The following MYBL2 variants were observed in gnomAD, a reference collection of about 807,000 sequenced individuals.
MYBL2 encodes MYB proto-oncogene like 2, also known as myb-related protein B.
A neutral mutation model predicts 79.9 loss-of-function variants in MYBL2; 28 were observed. The observed-to-expected ratio is 0.35, with a 90% confidence interval of 0.26 to 0.48. The LOEUF is 0.48. Among genes scored for constraint, MYBL2 ranks in the 20% least tolerant of loss-of-function variants. MYBL2 has a pLI of 0.99. For missense variants in MYBL2, 735 were observed against 893.9 expected (o/e 0.82, Z 2.27); for synonymous variants, 378 against 361.2 (o/e 1.05, Z -0.53).
chr20:43,698,419 C>T (rs375824158), intron 6 of MYBL2, among the ~76,000 whole-genome samples: 1 of 117,478 alleles, frequency 8.5e-6, no homozygotes, highest in South Asian at 3.0e-4. Flanking sequence ...GTTCTGTAGC[C>T]CAGGCTGGAG....
chr20:43,688,117 C>G lies in MYBL2; in HGVS notation c.500+1045C>G, dbSNP rs190519231. On this transcript the variant is annotated intron_variant, in intron 5 of 13. Transcript: ENST00000217026. The stretch of plus-strand genomic sequence containing the variant: ...CTTCATTTTCTAGGAGACTTCTTAT[C>G]TTCTCTTTTTTTGAAATTATTTTCC... 4.0e-5 allele frequency among the ~76,000 whole-genome samples: 6 copies of G among 150,966 alleles called. No homozygotes were observed. In the East Asian group the frequency reaches 1.2e-3, roughly 29 times the overall value.
chr20:43,688,389 A>G (rs1284981044), intron 5 of MYBL2, among the ~76,000 whole-genome samples: 1 of 151,900 alleles, frequency 6.6e-6, no homozygotes, highest in African/African-American at 2.4e-5. Context: ...TTTAGTAGAG[A>G]TGGAATTTCA....
At chr20:43,713,920 G>A (rs1025848383) in intron 12 of MYBL2, among the ~76,000 whole-genome samples, 17 of 152,144 alleles carry the variant, frequency 1.1e-4, no homozygotes, top group Non-Finnish European at 1.8e-4. Flanking sequence ...GTGGGGAGGC[G>A]GTGAGAGGCA....
rs373043815 is a variant in MYBL2 at position 43,712,992 on chromosome 20, C to T, written c.1720-10C>T. 5.1e-5 allele frequency: 81 copies of T among 1,602,654 alleles called. No homozygotes were observed. Among genetic ancestry groups the T allele is most frequent in the Non-Finnish European group, 6.6e-5 (78 of 1,173,158 alleles). On this transcript the variant is annotated splice_polypyrimidine_tract_variant and intron_variant, in intron 11 of 13. Transcript: ENST00000217026. ...CTCACCCTAACCCCCTTCTATCTGCCAACCCCTAGCTGCGGCGGAGCCCCA... is the reference window on the plus strand; with the variant it reads ...CTCACCCTAACCCCCTTCTATCTGCTAACCCCTAGCTGCGGCGGAGCCCCA...
At chr20:43,680,744 C>T (rs1987124151) in intron 2 of MYBL2, among the ~76,000 whole-genome samples, 1 of 152,206 alleles carries the variant, frequency 6.6e-6, no homozygotes, top group Admixed American at 6.5e-5. Flanking sequence ...CTGCCCACCA[C>T]GGCCTCCCAA....
intron 9 of MYBL2, among the ~76,000 whole-genome samples, chr20:43,708,539 C>T (rs1176671418): frequency 6.6e-6 from 1 of 151,982 alleles, no homozygotes; most frequent in Admixed American, 6.6e-5. Context: ...CTCAAGTGGT[C>T]CTCCTACCAT....
At chr20:43,712,743 A>C (rs1600567443) in intron 11 of MYBL2, among the ~76,000 whole-genome samples, 1 of 152,124 alleles carries the variant, frequency 6.6e-6, no homozygotes, top group Non-Finnish European at 1.5e-5. Flanking sequence ...GTGGAGGTTC[A>C]TGCTGTGTTC....
At chr20:43,684,276 C>T (rs371824873) in intron 4 of MYBL2, among the ~76,000 whole-genome samples, 7 of 150,122 alleles carry the variant, frequency 4.7e-5, no homozygotes, top group African/African-American at 7.4e-5. Flanking sequence ...CTTGCTCTGT[C>T]GTCCAGGCTG....
At position 43,681,854 on chromosome 20, in the gene MYBL2, C is replaced by T. The variant is rs1987151846; in HGVS notation, c.185C>T (p.Pro62Leu). 1.9e-6 allele frequency: 3 copies of T among 1,614,074 alleles called. No individual in the cohort carries two copies. In the South Asian group the frequency reaches 3.3e-5, roughly 18 times the overall value. Residue 62 changes from proline to leucine, a missense_variant and splice_region_variant, in exon 3 of 14, where the codon CCT becomes CTT. Around this residue, in one of 5 missense-constraint regions of MYBL2, gnomAD observed 79 missense variants for 86.7 expected, o/e 0.91. Coordinates refer to ENST00000217026, the MANE Select transcript of MYBL2 (RefSeq NM_002466.4). Reference protein sequence around the residue: ...QDWKFLASHFPNRTDQQCQYR... With the variant: ...QDWKFLASHFLNRTDQQCQYR... ...TGGAAGTTCCTGGCCAGCCACTTCC[C>T]TGTGAGTACAGTCCTGCTGTGGCCC...
intron 11 of MYBL2, 41 bp from the exon 12 acceptor site, chr20:43,712,961 C>T (rs1987943592): frequency 1.3e-6 from 2 of 1,499,936 alleles, no homozygotes; most frequent in East Asian, 2.3e-5. Context: ...ATGGGGAATC[C>T]AGACACTCAC....
intron 6 of MYBL2, among the ~76,000 whole-genome samples, chr20:43,694,728 G>A (rs138908731): frequency 5.1e-4 from 78 of 152,294 alleles, no homozygotes; most frequent in African/African-American, 1.6e-3. Context: ...AACTCCCTGT[G>A]CATCTCTTAA....
Position 43,711,512 on chromosome 20 carries a change from G to A in MYBL2, c.1630G>A (p.Asp544Asn). The change falls in exon 11 of 14, where the codon GAC becomes AAC. Residue 544 changes from aspartate to asparagine, a missense_variant. Transcript: ENST00000217026. The part of the protein sequence containing the change: ...PLPQTPHLEE[D>N]LKEVLRSEAG... ...GCCACAGACCCCGCACCTGGAGGAG[G>A]ACTTGAAGGAGGTGCTGCGTTCTGA... The A allele has an allele frequency of 6.2e-7, 1 of 1,613,634 alleles. No individual in the cohort carries two copies. The highest frequency in any genetic ancestry group is 8.5e-7 in the Non-Finnish European group (1 of 1,179,790).
At chr20:43,678,870 A>C (rs1367928269) in intron 2 of MYBL2, among the ~76,000 whole-genome samples, 1 of 138,846 alleles carries the variant, frequency 7.2e-6, no homozygotes, top group Non-Finnish European at 1.5e-5. Flanking sequence ...AAAAAAAAAA[A>C]AAAAGAAAAA....
chr20:43,667,760 G>C (rs1009017784), intron 1 of MYBL2, among the ~76,000 whole-genome samples: 5 of 152,098 alleles, frequency 3.3e-5, no homozygotes, highest in African/African-American at 1.2e-4. Context: ...GGTCAACTTG[G>C]TGGGTGGGCT....
chr20:43,704,385 G>A (rs118074476), intron 8 of MYBL2, among the ~76,000 whole-genome samples: 1 of 152,318 alleles, frequency 6.6e-6, no homozygotes, highest in Non-Finnish European at 1.5e-5. Flanking sequence ...TGAGAGTTGG[G>A]ACTTCAGGAT....
At chr20:43,715,337 G>A (rs965352855) in intron 13 of MYBL2, 54 bp downstream of exon 13, 2 of 1,609,830 alleles carry the variant, frequency 1.2e-6, no homozygotes, top group East Asian at 4.5e-5. Context: ...TCTTAGCTCA[G>A]GGCTGAGTGC....
In MYBL2 at chr20:43,667,322, G is replaced by A. The variant is rs936620449; in HGVS notation, c.20+19G>A. 3.3e-6 allele frequency: 4 copies of A among 1,230,228 alleles called. No individual in the cohort carries two copies. Among genetic ancestry groups the A allele is most frequent in the Non-Finnish European group, 3.0e-6 (3 of 984,984 alleles). 76.2% of individuals were successfully genotyped at this position (1,230,228 alleles called of 1,614,324 possible). ...CGCGCTGGTGAGACGAGCCGGGAGG[G>A]CTTGGGCCCCTCCCCCTCCCTTTAA... On this transcript the variant is annotated intron_variant, in intron 1 of 13. Coordinates refer to ENST00000217026, the MANE Select transcript of MYBL2 (RefSeq NM_002466.4).
chr20:43,677,681 G>A (rs552641050), intron 2 of MYBL2, among the ~76,000 whole-genome samples: 2 of 150,702 alleles, frequency 1.3e-5, no homozygotes, highest in South Asian at 2.1e-4. Context: ...GGAGGGAGGT[G>A]GGGGGGTCAG....
chr20:43,668,631 A>G (rs1485348947), intron 1 of MYBL2, among the ~76,000 whole-genome samples: 1 of 150,854 alleles, frequency 6.6e-6, no homozygotes, highest in Non-Finnish European at 1.5e-5. Context: ...CCACTTTCCC[A>G]GGCCAATGTC....
Sources: gnomAD v4.1 joint callset for allele counts (sites outside exome capture counted in the v4.1 genomes callset) on GRCh38, gnomAD v4.1.1 for gene constraint, gnomAD v4.1.1 regional missense constraint, MANE v1.5 for transcripts, NCBI Gene and HGNC (gene_info 2026-07-23, HGNC 2026-07-21) for gene names.